The following EEFSEC variants were observed in gnomAD, a reference collection of about 807,000 sequenced individuals.
EEFSEC encodes the protein selenocysteine-specific elongation factor.
A neutral mutation model predicts 42.1 loss-of-function variants in EEFSEC; 43 were observed. The ratio of observed to expected loss-of-function variants is 1.02; its 90% CI spans 0.80 to 1.32. The LOEUF (loss-of-function observed/expected upper bound fraction) is 1.32, where lower values mean the gene tolerates loss of function less well. EEFSEC is among the 40% of genes most tolerant of loss of function. The pLI is 0.00. For synonymous variants in EEFSEC, 354 were observed against 339.1 expected, an observed-to-expected ratio of 1.04 and a Z score of -0.48; for missense variants, 745 against 803.6, an observed-to-expected ratio of 0.93 and a Z score of 0.88.
At chr3:128,390,949 A>T (rs1484175034) in intron 6 of EEFSEC, among the ~76,000 whole-genome samples, 1 of 151,812 alleles carries the variant, frequency 6.6e-6, no homozygotes, top group African/African-American at 2.4e-5. Flanking sequence ...ATGTCATCCC[A>T]CCCTGGGCCC....
chr3:128,380,867 G>A (rs1442672897), intron 6 of EEFSEC, among the ~76,000 whole-genome samples: 1 of 152,176 alleles, frequency 6.6e-6, no homozygotes, highest in Non-Finnish European at 1.5e-5. Context: ...TGGGTGGAGG[G>A]GGCCCCAATG....
chr3:128,411,243 C>A (rs542672022), downstream of EEFSEC, among the ~76,000 whole-genome samples: 1 of 152,340 alleles, frequency 6.6e-6, no homozygotes, highest in African/African-American at 2.4e-5. Context: ...CCCAGGATGC[C>A]TTGGGCAACC....
At chr3:128,205,859 CT>C (rs1356768838) in intron 1 of EEFSEC, among the ~76,000 whole-genome samples, 2 of 152,152 alleles carry the variant, frequency 1.3e-5, no homozygotes, top group Non-Finnish European at 2.9e-5. Context: ...CTAAGGAATT[CT>C]TTAGTGCATT....
chr3:128,419,341 G>T, the EEFSEC span, among the ~76,000 whole-genome samples: 830 of 152,328 alleles, frequency 5.4e-3, 9 homozygotes, highest in African/African-American at 0.019. Context: ...TCAACAATAG[G>T]TAAAGGAAGG....
chr3:128,359,913 T>C (rs2067503492), intron 6 of EEFSEC, among the ~76,000 whole-genome samples: 1 of 152,196 alleles, frequency 6.6e-6, no homozygotes, highest in African/African-American at 2.4e-5. Flanking sequence ...ATGAGCACCC[T>C]TCCCTCTCCT....
chr3:128,366,066 G>T (rs1160479190), intron 6 of EEFSEC, among the ~76,000 whole-genome samples: 1 of 152,218 alleles, frequency 6.6e-6, no homozygotes, highest in Non-Finnish European at 1.5e-5. Flanking sequence ...ATTTGTCAGG[G>T]CCTAAGTCCC....
In EEFSEC at chr3:128,153,530, T is replaced by G. The variant is rs1395499891; in HGVS notation, c.23T>G (p.Val8Gly). Residue 8 changes from valine to glycine, a missense_variant, in exon 1 of 7, where the codon GTG (valine) becomes GGG (glycine). Coordinates refer to ENST00000254730, the MANE Select transcript of EEFSEC (RefSeq NM_021937.5). ...GGCATGGCAGGGCGGCGGGTGAACG[T>G]GAACGTGGGCGTGCTGGGCCACATC... is the stretch of plus-strand genomic sequence containing the variant. Reference protein sequence around the residue: MAGRRVNVNVGVLGHIDS... With the variant: MAGRRVNGNVGVLGHIDS... 1 of 1,516,190 alleles carries G rather than the reference T, an allele frequency of 6.6e-7. No individual in the cohort carries two copies. Among genetic ancestry groups the G allele is most frequent in the Middle Eastern group, 2.2e-4 (1 of 4,482 alleles). The allele number at this position is 1,516,190 out of a possible 1,614,324, so 93.9% of individuals were successfully genotyped here.
At chr3:128,382,855 C>G (rs1378651729) in intron 6 of EEFSEC, among the ~76,000 whole-genome samples, 1 of 152,236 alleles carries the variant, frequency 6.6e-6, no homozygotes, top group Non-Finnish European at 1.5e-5. Context: ...TCTTCTCCCT[C>G]CAGGTTCCCC....
intron 4 of EEFSEC, among the ~76,000 whole-genome samples, chr3:128,300,732 A>G (rs2066757877): frequency 6.6e-6 from 1 of 152,210 alleles, no homozygotes; most frequent in African/African-American, 2.4e-5. Context: ...ATGTGCATTG[A>G]AGAAATAATC....
chr3:128,228,565 G>A (rs1344728956), intron 1 of EEFSEC, among the ~76,000 whole-genome samples: 1 of 152,016 alleles, frequency 6.6e-6, no homozygotes, highest in East Asian at 1.9e-4. Context: ...TGCCCAGGGA[G>A]GAGGGTCAGG....
intron 4 of EEFSEC, among the ~76,000 whole-genome samples, chr3:128,278,719 G>T (rs929129049): frequency 6.6e-6 from 1 of 152,206 alleles, no homozygotes; most frequent in African/African-American, 2.4e-5. Flanking sequence ...TGTTCATGGT[G>T]GGGGAGCCTT....
rs141411202 is a variant in EEFSEC at position 128,291,148 on chromosome 3, C to G, written c.786+26367C>G. ...TTTACTTTTTTGAGACAGGCTTGCT[C>G]TGTCATCCAGGCTATATATTTTATT... is the stretch of plus-strand genomic sequence containing the variant. On this transcript the variant is annotated intron_variant, in intron 4 of 6. Coordinates refer to ENST00000254730, the MANE Select transcript of EEFSEC (RefSeq NM_021937.5). Among the ~76,000 whole-genome samples, 11 of 152,098 alleles carry G rather than the reference C, an allele frequency of 7.2e-5. No individual in the cohort carries two copies. The East Asian group carries it at 2.1e-3, about 29-fold the overall frequency.
At position 128,296,583 on chromosome 3, in the gene EEFSEC, G is replaced by A. The variant is rs149895436; in HGVS notation, c.786+31802G>A. On this transcript the variant is annotated intron_variant, in intron 4 of 6. Coordinates refer to ENST00000254730, the MANE Select transcript of EEFSEC (RefSeq NM_021937.5). ...AGACCTGCAGGGCCTGTGTCTCCTC[G>A]TCATCCGCACAGGGGTATATCCATG... Among the ~76,000 whole-genome samples, 755 of 152,154 alleles carry A rather than the reference G, an allele frequency of 5.0e-3. 13 individuals are homozygous for A. The highest frequency in any genetic ancestry group is 0.017 in the African/African-American group (719 of 41,498).
chr3:128,362,136 G>A (rs772787454), intron 6 of EEFSEC: 15 of 452,896 alleles, frequency 3.3e-5, no homozygotes, highest in African/African-American at 2.8e-4. Flanking sequence ...CTGGGAGGCT[G>A]CGCTCCCAAA....
chr3:128,195,291 A>G (rs1388844939), intron 1 of EEFSEC, among the ~76,000 whole-genome samples: 1 of 152,248 alleles, frequency 6.6e-6, no homozygotes, highest in Non-Finnish European at 1.5e-5. Context: ...CAGATAATCA[A>G]AACACAGCTG....
chr3:128,225,930 G>A (rs2065902952), intron 1 of EEFSEC, among the ~76,000 whole-genome samples: 1 of 152,230 alleles, frequency 6.6e-6, no homozygotes, highest in Admixed American at 6.5e-5. Context: ...AGAGGCAGAT[G>A]TGTCTTATTG....
At chr3:128,399,560 G>T in intron 6 of EEFSEC, among the ~76,000 whole-genome samples, 1 of 152,100 alleles carries the variant, frequency 6.6e-6, no homozygotes, top group East Asian at 1.9e-4. Context: ...ATCCATAGCT[G>T]GGAGGGAAGG....
At chr3:128,416,687 G>A in the EEFSEC span, among the ~76,000 whole-genome samples, 1 of 152,116 alleles carries the variant, frequency 6.6e-6, no homozygotes, top group South Asian at 2.1e-4. Context: ...TGGAGACATT[G>A]GGGCTCTCTC....
chr3:128,194,861 G>T (rs964447243), intron 1 of EEFSEC, among the ~76,000 whole-genome samples: 2 of 152,210 alleles, frequency 1.3e-5, no homozygotes. Flanking sequence ...TAGGGGCTAA[G>T]ATCTAGGTGA....
Sources: allele counts gnomAD v4.1 joint callset (sites outside exome capture counted in the v4.1 genomes callset), GRCh38; gene constraint gnomAD v4.1.1; transcripts MANE v1.5; gene names NCBI Gene and HGNC (gene_info 2026-07-23, HGNC 2026-07-21).